The following RAB7A variants were observed in gnomAD, a reference collection of about 807,000 sequenced individuals.
The protein encoded by RAB7A is ras-related protein Rab-7a.
Under a neutral mutation model 24.5 loss-of-function variants are expected in RAB7A, and 2 were observed. The observed-to-expected ratio is 0.08, with a 90% confidence interval of 0.03 to 0.26. The LOEUF is 0.26. Among genes scored for constraint, RAB7A ranks in the 10% least tolerant of loss-of-function variants. The pLI is 1.00. For synonymous variants in RAB7A, 100 were observed against 95.9 expected (o/e 1.04, Z -0.25); for missense variants, 118 against 255.7 (o/e 0.46, Z 3.67).
chr3:128,742,821 GTTC>G (rs1235527073), intron 1 of RAB7A, among the ~76,000 whole-genome samples: 4 of 152,358 alleles, frequency 2.6e-5, no homozygotes, highest in Non-Finnish European at 5.9e-5. Flanking sequence ...AGACATAAAA[GTTC>G]TTCAAGTCCC....
At chr3:128,758,497 G>C (rs1020979875) in intron 1 of RAB7A, among the ~76,000 whole-genome samples, 2 of 151,446 alleles carry the variant, frequency 1.3e-5, no homozygotes, top group Non-Finnish European at 2.9e-5. Flanking sequence ...GGATGGTCTC[G>C]GTCTCCTGAC....
At chr3:128,764,572 A>G (rs1258722816) in intron 1 of RAB7A, 1 of 1,390,334 alleles carries the variant, frequency 7.2e-7, no homozygotes. Context: ...GTGGTCACCC[A>G]ATTCTTTGAT....
At chr3:128,802,762 C>T (rs1024705398) in intron 3 of RAB7A, among the ~76,000 whole-genome samples, 1 of 151,384 alleles carries the variant, frequency 6.6e-6, no homozygotes, top group Non-Finnish European at 1.5e-5. Flanking sequence ...CCGCCTCAGC[C>T]TCCCACGGCG....
chr3:128,754,197 C>T (rs2070710501), intron 1 of RAB7A, among the ~76,000 whole-genome samples: 1 of 152,166 alleles, frequency 6.6e-6, no homozygotes, highest in African/African-American at 2.4e-5. Context: ...ATTTAAGAGA[C>T]TTATGTATCA....
intron 1 of RAB7A, among the ~76,000 whole-genome samples, chr3:128,738,114 C>G (rs2070510871): frequency 6.6e-6 from 1 of 152,056 alleles, no homozygotes; most frequent in Non-Finnish European, 1.5e-5. Flanking sequence ...CTCACTGCAG[C>G]CTTGACCTCT....
chr3:128,737,137 A>T (rs2070497274), intron 1 of RAB7A, among the ~76,000 whole-genome samples: 1 of 150,440 alleles, frequency 6.6e-6, no homozygotes, highest in African/African-American at 2.5e-5. Flanking sequence ...TTCCGGGTTC[A>T]CGCCCTTCTC....
chr3:128,776,979 CACA>C (rs1933106891), intron 1 of RAB7A, among the ~76,000 whole-genome samples: 2 of 151,824 alleles, frequency 1.3e-5, no homozygotes, highest in African/African-American at 4.8e-5. Context: ...CACACACACA[CACA>C]CACACCCCTA....
chr3:128,744,102 T>TAA (rs58045599), intron 1 of RAB7A, among the ~76,000 whole-genome samples: 5 of 142,010 alleles, frequency 3.5e-5, no homozygotes, highest in African/African-American at 5.2e-5. Flanking sequence ...TTCTTGCTCT[T>TAA]AAAAAAAAAA....
intron 1 of RAB7A, among the ~76,000 whole-genome samples, chr3:128,771,201 C>T (rs751932145): frequency 2.0e-5 from 3 of 152,100 alleles, no homozygotes; most frequent in Admixed American, 6.5e-5. Context: ...AAATTTCTGA[C>T]CTCAAGTGAT....
chr3:128,745,557 G>T (rs1444575759), intron 1 of RAB7A, among the ~76,000 whole-genome samples: 2 of 152,024 alleles, frequency 1.3e-5, no homozygotes, highest in African/African-American at 4.8e-5. Context: ...GTAGAGACGG[G>T]GTTTCGCCAT....
chr3:128,771,940 T>A (rs1932946326), intron 1 of RAB7A, among the ~76,000 whole-genome samples: 3 of 152,218 alleles, frequency 2.0e-5, no homozygotes. Context: ...TATATTTTGC[T>A]TCTGAAGATG....
intron 1 of RAB7A, among the ~76,000 whole-genome samples, chr3:128,777,612 C>A (rs1424535018): frequency 6.6e-6 from 1 of 152,176 alleles, no homozygotes; most frequent in Non-Finnish European, 1.5e-5. Context: ...GATTTTCACA[C>A]CTAATCAGAG....
intron 1 of RAB7A, among the ~76,000 whole-genome samples, chr3:128,756,243 T>TGAGGCAGGAGAATCGCTTG (rs573214075): frequency 5.0e-4 from 76 of 152,076 alleles, no homozygotes; most frequent in South Asian, 2.1e-4. Flanking sequence ...GGTGGGAGGC[T>TGAGGCAGGAGAATCGCTTG]GAGGCAGGAG....
intron 1 of RAB7A, among the ~76,000 whole-genome samples, chr3:128,778,517 C>G (rs1454699614): frequency 2.6e-5 from 4 of 152,196 alleles, no homozygotes. Context: ...GCCTAACCAA[C>G]TGTTGTTATA....
chr3:128,810,242 G>A (rs1205924211), intron 5 of RAB7A, among the ~76,000 whole-genome samples: 2 of 151,848 alleles, frequency 1.3e-5, no homozygotes, highest in East Asian at 1.9e-4. Flanking sequence ...CACCGCACCC[G>A]GCCTGCCACA....
At chr3:128,747,917 G>A (rs2107589655) in intron 1 of RAB7A, among the ~76,000 whole-genome samples, 1 of 151,798 alleles carries the variant, frequency 6.6e-6, no homozygotes, top group East Asian at 1.9e-4. Flanking sequence ...GCAGGCACGT[G>A]CCACCACGCC....
At chr3:128,748,121 G>T (rs1486120096) in intron 1 of RAB7A, among the ~76,000 whole-genome samples, 4 of 152,174 alleles carry the variant, frequency 2.6e-5, no homozygotes, top group Non-Finnish European at 5.9e-5. Flanking sequence ...CCCCCTACTG[G>T]CCCTGGCACT....
chr3:128,770,005 C>CTTTTTTTTT (rs766245243), intron 1 of RAB7A, among the ~76,000 whole-genome samples: 1 of 140,784 alleles, frequency 7.1e-6, no homozygotes, highest in Non-Finnish European at 1.6e-5. Context: ...TTCCTTTTTT[C>CTTTTTTTTT]TTTTTTTTTT....
chr3:128,795,503 A>G, intron 2 of RAB7A, 83 bp downstream of exon 2: 3 of 1,312,732 alleles, frequency 2.3e-6, no homozygotes, highest in Non-Finnish European at 3.3e-6. Context: ...CCGTGCTGCC[A>G]CTTCTTGCTT....
Sources: gnomAD v4.1 joint callset for allele counts (sites outside exome capture counted in the v4.1 genomes callset) on GRCh38, gnomAD v4.1.1 for gene constraint, MANE v1.5 for transcripts, NCBI Gene and HGNC (gene_info 2026-07-23, HGNC 2026-07-21) for gene names.